TXNDC11: variants seen among roughly 807,000 people sequenced by gnomAD.
TXNDC11 encodes the protein thioredoxin domain containing 11.
In TXNDC11, 68 loss-of-function variants were observed where a neutral mutation model predicts 78.0. The ratio of observed to expected loss-of-function variants is 0.87; its 90% CI spans 0.72 to 1.07. The LOEUF (loss-of-function observed/expected upper bound fraction) is 1.07, where lower values mean the gene tolerates loss of function less well. Ranked by LOEUF, TXNDC11 falls within the 50% of genes least tolerant of loss-of-function variation. The pLI is 0.00. For synonymous variants in TXNDC11, 571 were observed against 495.2 expected (o/e 1.15, Z -2.03); for missense variants, 1,389 against 1,221.8 (o/e 1.14, Z -2.04).
intron 5 of TXNDC11, among the ~76,000 whole-genome samples, chr16:11,704,945 T>C (rs2051141879): frequency 6.6e-6 from 1 of 152,060 alleles, no homozygotes; most frequent in Admixed American, 6.5e-5. Context: ...ATTCTTGTTC[T>C]GTCGCCCAGG....
intron 5 of TXNDC11, among the ~76,000 whole-genome samples, chr16:11,711,653 T>C (rs1192955333): frequency 6.6e-6 from 1 of 152,212 alleles, no homozygotes; most frequent in East Asian, 1.9e-4. Flanking sequence ...TGATTAGCAA[T>C]CTAATTCTAT....
At chr16:11,715,160 G>A (rs999027291) in intron 5 of TXNDC11, among the ~76,000 whole-genome samples, 1 of 152,200 alleles carries the variant, frequency 6.6e-6, no homozygotes, top group African/African-American at 2.4e-5. Flanking sequence ...GCTGAGGCAG[G>A]AGAATTGCTT....
At position 11,679,328 on chromosome 16, in the gene TXNDC11, G is replaced by T. The variant is rs570323012; in HGVS notation, c.2744C>A (p.Ala915Glu). 8.7e-6 allele frequency: 14 copies of T among 1,612,196 alleles called. No individual in the cohort carries two copies. Among genetic ancestry groups the T allele is most frequent in the African/African-American group, 1.3e-5 (1 of 74,822 alleles). ...CTTGGGGTGGACCTCTCTCTGGGCC[G>T]CCAGGCTTTCAGCTCCATCCCTGCC... ...LEGRDGAESL[A>E]AQREVHPKQP... Residue 915 changes from alanine (A) to glutamate (E), a missense_variant, in exon 12 of 12, where the codon GCG becomes GAG. By Grantham distance (107) the Ala-to-Glu change is moderately radical (BLOSUM62 -1). Coordinates refer to ENST00000283033, the MANE Select transcript of TXNDC11 (RefSeq NM_015914.7). The surrounding 1 kb of genome is among the most constrained non-coding windows in gnomAD (Gnocchi z 4.6).
rs186513587 is a variant in TXNDC11, at chr16:11,732,424, G to A, written c.569+1558C>T. Among the ~76,000 whole-genome samples, 31 of 152,178 alleles carry A rather than the reference G, an allele frequency of 2.0e-4. No homozygotes were observed. In the East Asian group the frequency reaches 2.3e-3, roughly 11 times the overall value. On this transcript the variant is annotated intron_variant, in intron 3 of 11. Coordinates refer to ENST00000283033, the MANE Select transcript of TXNDC11 (RefSeq NM_015914.7). ...CTCAGCAGGGCAAGCTCACCATCCC[G>A]TTACAGAGCACAGAGTTAAGTACAC...
intron 5 of TXNDC11, among the ~76,000 whole-genome samples, chr16:11,709,570 G>A (rs1167761524): frequency 5.9e-5 from 9 of 151,368 alleles, no homozygotes; most frequent in Admixed American, 5.3e-4. Context: ...GAGTAGCTGG[G>A]ACTACAGGCG....
chr16:11,679,608 C>G lies in TXNDC11; in HGVS notation c.2464G>C (p.Val822Leu). The change falls in exon 12 of 12, where the codon GTG (valine) becomes CTG (leucine). Residue 822 changes from valine to leucine, a missense_variant. By Grantham distance (32) the Val-to-Leu change is conservative. Transcript: ENST00000283033. The surrounding 1 kb of genome is among the most constrained non-coding windows in gnomAD (Gnocchi z 4.6). ...AEISSLQRAQ[V>L]QVESQLSSAR... is the part of the protein sequence containing the mutation. ...CTGGAGAGCTGGGACTCCACCTGCA[C>G]TTGTGCTCGCTGGAGGCTGCTTATT... 1 of 1,614,188 alleles carries G rather than the reference C, an allele frequency of 6.2e-7. No individual in the cohort carries two copies.
At position 11,679,642 on chromosome 16, in the gene TXNDC11, C is replaced by G. The variant is rs1285824484; in HGVS notation, c.2430G>C (p.Leu810=). The change falls in exon 12 of 12, where the codon CTG becomes CTC. Residue 810 remains leucine, a synonymous_variant. Transcript: ENST00000283033. This position sits in a 1 kb window ranked among gnomAD's most constrained non-coding sequence, Gnocchi z 4.6. ...ISHLEREIQK[L]RAEISSLQRA... ...GCTGGAGGCTGCTTATTTCTGCTCT[C>G]AGTTTCTGGATCTCTCTCTCCAAGT... is the stretch of plus-strand genomic sequence containing the variant. 1.2e-6 allele frequency: 2 copies of G among 1,614,098 alleles called. No homozygotes were observed. The highest frequency in any genetic ancestry group is 1.1e-5 in the South Asian group (1 of 91,088).
chr16:11,698,248 A>T lies in TXNDC11; in HGVS notation c.984T>A (p.Phe328Leu). 5.6e-6 allele frequency: 9 copies of T among 1,614,196 alleles called. No individual in the cohort carries two copies. The highest frequency in any genetic ancestry group is 7.6e-6 in the Non-Finnish European group (9 of 1,180,036). Residue 328 changes from phenylalanine to leucine, a missense_variant, in exon 7 of 12, where the codon TTT becomes TTA. By Grantham distance (22) the Phe-to-Leu change is conservative. Coordinates refer to ENST00000283033, the MANE Select transcript of TXNDC11 (RefSeq NM_015914.7). ...KWALENQETL[F>L]RWLRPHGGKS... ...TGCCTCCGTGTGGCCGCAGCCACCG[A>T]AAGAGCGTCTCCTGGTTTTCTAAGG...
chr16:11,688,446 C>A lies in TXNDC11; in HGVS notation c.1901-1G>T. On this transcript the variant is annotated splice_acceptor_variant, in intron 8 of 11. Transcript: ENST00000283033. LOFTEE classifies it high-confidence loss of function. The stretch of plus-strand genomic sequence containing the variant: ...ACGCTGAAGTTTTGAATAAAAGACT[C>A]TAAAAATAAAGAGAAAATGAGATCA... The A allele has an allele frequency of 6.3e-7, 1 of 1,598,640 alleles. No homozygotes were observed. Among genetic ancestry groups the A allele is most frequent in the South Asian group, 1.1e-5 (1 of 89,018 alleles).
chr16:11,702,646 C>T (rs1162681515), intron 5 of TXNDC11, among the ~76,000 whole-genome samples: 2 of 152,160 alleles, frequency 1.3e-5, no homozygotes, highest in Non-Finnish European at 2.9e-5. Context: ...CCACTGCACT[C>T]TAGCCTGGGC....
intron 5 of TXNDC11, among the ~76,000 whole-genome samples, chr16:11,713,031 C>G (rs1318535388): frequency 6.7e-6 from 1 of 150,002 alleles, no homozygotes; most frequent in East Asian, 2.0e-4. Flanking sequence ...CGCTTGAACC[C>G]AGGAGGCGGA....
Position 11,679,233 on chromosome 16 carries a change from G to A in TXNDC11, c.2839C>T (p.Leu947=). Residue 947 remains leucine (L), a synonymous_variant, in exon 12 of 12, where the codon CTG becomes TTG. Coordinates refer to ENST00000283033, the MANE Select transcript of TXNDC11 (RefSeq NM_015914.7). This position sits in a 1 kb window ranked among gnomAD's most constrained non-coding sequence, Gnocchi z 4.6. ...SPPPANVSAT[L]VSERNKENRT... is the part of the protein sequence containing the mutation. Reference sequence around the variant, plus strand: ...TTCTCCTTATTCCTTTCAGACACCAGTGTGGCGCTGACATTGGCAGGTGGA... The same window carrying A: ...TTCTCCTTATTCCTTTCAGACACCAATGTGGCGCTGACATTGGCAGGTGGA... 3 of 1,613,668 alleles carry A rather than the reference G, an allele frequency of 1.9e-6. No individual in the cohort carries two copies. Among genetic ancestry groups the A allele is most frequent in the East Asian group, 4.5e-5 (2 of 44,886 alleles).
chr16:11,732,047 G>C lies in TXNDC11; in HGVS notation c.570-1273C>G, dbSNP rs1308700368. ...GTTTTCCTGTTGTGATGTTACAAGG[G>C]TTCTAGTGACTTGTAAAAGCTAACA... On this transcript the variant is annotated intron_variant, in intron 3 of 11. Transcript: ENST00000283033. Among the ~76,000 whole-genome samples the C allele has an allele frequency of 2.6e-5, 4 of 152,160 alleles. No individual in the cohort carries two copies. The East Asian group carries it at 7.7e-4, about 29-fold the overall frequency.
At chr16:11,701,012 C>G (rs568291512) in intron 5 of TXNDC11, among the ~76,000 whole-genome samples, 190 of 152,168 alleles carry the variant, frequency 1.2e-3, no homozygotes, top group African/African-American at 4.4e-3. Flanking sequence ...CAAAGGGAAA[C>G]TGGGCTCCTG....
At chr16:11,737,246 G>T (rs1479333738) in intron 1 of TXNDC11, among the ~76,000 whole-genome samples, 1 of 151,822 alleles carries the variant, frequency 6.6e-6, no homozygotes, top group Non-Finnish European at 1.5e-5. Context: ...AGGAGTTCAA[G>T]ACCAGCCTGG....
chr16:11,716,990 G>A (rs2051543887), intron 5 of TXNDC11, among the ~76,000 whole-genome samples: 1 of 151,492 alleles, frequency 6.6e-6, no homozygotes, highest in African/African-American at 2.4e-5. Context: ...ATGAGAGAGG[G>A]AAAAATCAAC....
rs376995213 is a variant in TXNDC11, at chr16:11,734,416, ATT to A, written c.472-339_472-338del. 5.3e-5 allele frequency among the ~76,000 whole-genome samples: 8 copies of A among 151,942 alleles called. No homozygotes were observed. In the South Asian group the frequency reaches 6.2e-4, roughly 12 times the overall value. ...AGCTCTCAATTTGGAAGGAGCTGAA[ATT>A]TTTTTTTTAAAAAAAGCAGCAGTCC... is the stretch of plus-strand genomic sequence containing the variant. On this transcript the variant is annotated intron_variant, in intron 2 of 11. Coordinates refer to ENST00000283033, the MANE Select transcript of TXNDC11 (RefSeq NM_015914.7).
At chr16:11,720,712 C>T (rs1046209945) in intron 5 of TXNDC11, among the ~76,000 whole-genome samples, 3 of 149,372 alleles carry the variant, frequency 2.0e-5, no homozygotes, top group Admixed American at 6.7e-5. Flanking sequence ...CCACCGTGCC[C>T]GACATTCATA....
intron 4 of TXNDC11, 134 bp downstream of exon 4, chr16:11,730,511 G>T: frequency 1.2e-6 from 1 of 861,198 alleles, no homozygotes. Flanking sequence ...CATTTAACTG[G>T]GGCTGATCTA....
Sources: gnomAD v4.1 joint callset for allele counts (sites outside exome capture counted in the v4.1 genomes callset) on GRCh38, gnomAD v4.1.1 for gene constraint, Gnocchi (gnomAD v3.1) non-coding constraint, MANE v1.5 for transcripts, NCBI Gene and HGNC (gene_info 2026-07-23, HGNC 2026-07-21) for gene names.